Variants in LTBR observed in about 807,000 individuals in gnomAD.
LTBR encodes the protein lymphotoxin beta receptor.
In LTBR, 15 loss-of-function variants were observed where a neutral mutation model predicts 45.4. The ratio of observed to expected loss-of-function variants is 0.33; its 90% CI spans 0.22 to 0.51. The LOEUF (loss-of-function observed/expected upper bound fraction) is 0.51. Among genes scored for constraint, LTBR ranks in the 20% least tolerant of loss-of-function variants. LTBR has a pLI of 0.97. For missense variants in LTBR, 450 were observed against 565.5 expected (o/e 0.80, Z 2.07); for synonymous variants, 228 against 231.0 (o/e 0.99, Z 0.12).
At chr12:6,382,536 T>C (rs1246834349), upstream of LTBR, among the ~76,000 whole-genome samples, 2 of 152,218 alleles carry the variant, frequency 1.3e-5, no homozygotes, top group Non-Finnish European at 2.9e-5. Flanking sequence ...GCTAGGGCCC[T>C]GGAAGGCTCA....
chr12:6,375,161 T>C (rs1042813697), upstream of LTBR: 27 of 1,460,670 alleles, frequency 1.8e-5, no homozygotes, highest in African/African-American at 3.4e-4. Context: ...TCCTTTGGTC[T>C]TCTTCCTCCA....
Position 6,386,283 on chromosome 12 carries a change from C to CA in LTBR, c.570-63dup. The CA allele has an allele frequency of 6.6e-7, 1 of 1,516,220 alleles. No homozygotes were observed. Among genetic ancestry groups the CA allele is most frequent in the Non-Finnish European group, 9.1e-7 (1 of 1,093,022 alleles). The allele number at this position is 1,516,220 out of a possible 1,614,324, so 93.9% of individuals were successfully genotyped here. A position where few individuals can be genotyped will look rare whatever the true frequency, so the allele number is the denominator to read the frequency against. On this transcript the variant is annotated intron_variant, in intron 5 of 9. Coordinates refer to ENST00000228918, the MANE Select transcript of LTBR (RefSeq NM_002342.3). The surrounding 1 kb of genome is among the most constrained non-coding windows in gnomAD (Gnocchi z 4.1). ...ACCACTTTCAGCCTCCCCGCCTGCCCAGTGGAGTCGGGACACTGGTGGGCC... is the reference window on the plus strand; with the variant it reads ...ACCACTTTCAGCCTCCCCGCCTGCCCAAGTGGAGTCGGGACACTGGTGGGCC...
In LTBR at chr12:6,387,608, G is replaced by A. The variant is rs1949063645; in HGVS notation, c.668-790G>A. 3 of 204,172 alleles carry A rather than the reference G, an allele frequency of 1.5e-5. No homozygotes were observed. In the Admixed American group the frequency reaches 1.8e-4, roughly 12 times the overall value. The allele number at this position is 204,172 out of a possible 1,614,324, so 12.6% of individuals were successfully genotyped here. On this transcript the variant is annotated intron_variant, in intron 6 of 9. Transcript: ENST00000228918. ...CCTTAGGCTACAGATTTACATGAAT[G>A]AGAAGAGGCAAAATGCCCAGCATAG...
At chr12:6,382,446 A>G (rs1351701191), upstream of LTBR, among the ~76,000 whole-genome samples, 1 of 152,228 alleles carries the variant, frequency 6.6e-6, no homozygotes, top group Non-Finnish European at 1.5e-5. Context: ...AAGAGAGAGA[A>G]AAAAGGACCT....
At chr12:6,375,279 T>C (rs1197798387), upstream of LTBR, 14 of 1,438,184 alleles carry the variant, frequency 9.7e-6, no homozygotes, top group African/African-American at 5.7e-5. Context: ...TCTCTAATCC[T>C]GCCTCTCTTC....
intron 2 of LTBR, 76 bp from the exon 3 acceptor site, chr12:6,384,946 A>G: frequency 6.3e-7 from 1 of 1,576,324 alleles, no homozygotes; most frequent in Non-Finnish European, 8.7e-7. Flanking sequence ...GGGAAAGGCC[A>G]GGGTCACACT....
At chr12:6,385,484 C>A in intron 4 of LTBR, 105 bp downstream of exon 4, 1 of 1,370,700 alleles carries the variant, frequency 7.3e-7, no homozygotes, top group African/African-American at 1.4e-5. Context: ...CCCCCAGATC[C>A]TTGGCTTAAA....
chr12:6,386,529 A>G lies in LTBR; in HGVS notation c.667+85A>G, dbSNP rs1261803284. 5.6e-6 allele frequency: 6 copies of G among 1,064,040 alleles called. No individual in the cohort carries two copies. The highest frequency in any genetic ancestry group is 8.5e-6 in the Non-Finnish European group (6 of 708,520). 65.9% of individuals were successfully genotyped at this position (1,064,040 alleles called of 1,614,324 possible). ...ACATCTTAAAAAAAATGGGGAAAAG[A>G]TGAACACTTCCCTCCCAGAATTGGG... On this transcript the variant is annotated intron_variant, in intron 6 of 9. Transcript: ENST00000228918. This position sits in a 1 kb window ranked among gnomAD's most constrained non-coding sequence, Gnocchi z 4.1.
intron 1 of LTBR, 47 bp from the exon 2 acceptor site, chr12:6,384,541 T>C (rs1466799508): frequency 6.2e-7 from 1 of 1,610,408 alleles, no homozygotes; most frequent in Middle Eastern, 1.7e-4. Flanking sequence ...CCTCCCAAGC[T>C]GACCCCTGAC....
rs550280761 is a variant in LTBR, at chr12:6,390,266, C to G, written c.956C>G (p.Pro319Arg). The G allele has an allele frequency of 6.2e-7, 1 of 1,613,936 alleles. No homozygotes were observed. Among genetic ancestry groups the G allele is most frequent in the Non-Finnish European group, 8.5e-7 (1 of 1,179,994 alleles). ...PAAPVLEAGV[P>R]QQQSPLDLTR... ...GCCCCAGTTTTGGAGGCAGGGGTGC[C>G]GCAACAGCAGAGTCCTCTGGACCTG... Residue 319 changes from proline to arginine, a missense_variant, in exon 9 of 10, where the codon CCG becomes CGG. Around this residue, in one of 3 missense-constraint regions of LTBR, gnomAD observed 367 missense variants for 435.4 expected, o/e 0.84. Transcript: ENST00000228918.
intron 1 of LTBR, chr12:6,377,704 C>T (rs950207956): frequency 1.5e-6 from 2 of 1,292,720 alleles, no homozygotes; most frequent in South Asian, 1.2e-5. Context: ...GTGCTCAGCA[C>T]CCTGGCTGTT....
upstream of LTBR, among the ~76,000 whole-genome samples, chr12:6,380,335 A>G (rs1356610812): frequency 6.6e-6 from 1 of 152,244 alleles, no homozygotes; most frequent in Non-Finnish European, 1.5e-5. Context: ...CAAGAGCACT[A>G]GTCAGCTAAG....
chr12:6,389,828 C>T, intron 8 of LTBR: 1 of 312,920 alleles, frequency 3.2e-6, no homozygotes, highest in East Asian at 5.3e-5. Context: ...AAAAAGTTAG[C>T]CAGACAGTCC....
chr12:6,375,720 T>G (rs1948895050), intron 1 of LTBR: 1 of 1,424,934 alleles, frequency 7.0e-7, no homozygotes, highest in Non-Finnish European at 9.1e-7. Flanking sequence ...GGGCAGGGGC[T>G]TTAGACGCAG....
chr12:6,391,022 G>T lies in LTBR; in HGVS notation c.*85G>T, dbSNP rs367847000. On this transcript the variant is annotated 3_prime_UTR_variant, in exon 10 of 10. Transcript: ENST00000228918. ...CCCTGCCCACGTGGGATTCACAGGGGCCTGAGTAGGGCCCGGGGAAGCAGA... is the reference window on the plus strand; with the variant it reads ...CCCTGCCCACGTGGGATTCACAGGGTCCTGAGTAGGGCCCGGGGAAGCAGA... 7.3e-6 allele frequency: 10 copies of T among 1,372,440 alleles called. 1 individual carries two copies. The South Asian group carries it at 1.6e-4, about 22-fold the overall frequency. The allele number at this position is 1,372,440 out of a possible 1,614,324, so 85.0% of individuals were successfully genotyped here.
At chr12:6,382,557 G>A (rs1443605471), upstream of LTBR, among the ~76,000 whole-genome samples, 2 of 152,172 alleles carry the variant, frequency 1.3e-5, no homozygotes, top group African/African-American at 2.4e-5. Context: ...GCAGCCCCGC[G>A]CAGTGCATGC....
rs1949070277 is a variant in LTBR at position 6,388,171 on chromosome 12, T to C, written c.668-227T>C. Reference sequence around the variant, plus strand: ...AAACATGCCCATCCATGATACAGTCTCTCCTGGCTGCCAAGAGGTCCTCAA... The same window carrying C: ...AAACATGCCCATCCATGATACAGTCCCTCCTGGCTGCCAAGAGGTCCTCAA... On this transcript the variant is annotated intron_variant, in intron 6 of 9. Transcript: ENST00000228918. The surrounding 1 kb of genome is among the most constrained non-coding windows in gnomAD (Gnocchi z 4.3). 1 of 516,238 alleles carries C rather than the reference T, an allele frequency of 1.9e-6. No homozygotes were observed. Among genetic ancestry groups the C allele is most frequent in the Admixed American group, 3.2e-5 (1 of 31,184 alleles). The allele number at this position is 516,238 out of a possible 1,614,324, so 32.0% of individuals were successfully genotyped here.
chr12:6,379,513 A>G (rs1948956877), upstream of LTBR, among the ~76,000 whole-genome samples: 1 of 152,202 alleles, frequency 6.6e-6, no homozygotes, highest in Non-Finnish European at 1.5e-5. Flanking sequence ...GGGGCTGCCC[A>G]CTGTGGAAGA....
upstream of LTBR, among the ~76,000 whole-genome samples, chr12:6,381,185 A>G (rs553702074): frequency 1.3e-5 from 2 of 152,316 alleles, no homozygotes; most frequent in East Asian, 3.9e-4. Context: ...GCAGAGCGGG[A>G]AGCAGCTACC....
Sources: allele counts gnomAD v4.1 joint callset (sites outside exome capture counted in the v4.1 genomes callset), GRCh38; gene constraint gnomAD v4.1.1; regional missense constraint gnomAD v4.1.1; non-coding constraint Gnocchi (gnomAD v3.1); transcripts MANE v1.5; gene names NCBI Gene and HGNC (gene_info 2026-07-23, HGNC 2026-07-21).